Variants in SELENOO observed in about 807,000 individuals in gnomAD.
The protein encoded by SELENOO is selenoprotein O, also known as protein adenylyltransferase SelO, mitochondrial.
In SELENOO, 74 loss-of-function variants were observed where a neutral mutation model predicts 58.7. The ratio of observed to expected loss-of-function variants is 1.26; its 90% CI spans 1.04 to 1.53. The LOEUF (loss-of-function observed/expected upper bound fraction) is 1.53, where lower values mean the gene tolerates loss of function less well. SELENOO is among the 40% of genes most tolerant of loss of function. The probability of loss-of-function intolerance (pLI) is 0.00; values close to 1 mark genes in which losing one functional copy is unlikely to be tolerated. For missense variants in SELENOO, 1,149 were observed against 970.0 expected (o/e 1.18, Z -2.45); for synonymous variants, 543 against 453.2 (o/e 1.20, Z -2.52).
chr22:50,213,284 C>G (rs929334826), intron 5 of SELENOO, among the ~76,000 whole-genome samples: 1 of 152,172 alleles, frequency 6.6e-6, no homozygotes, highest in Non-Finnish European at 1.5e-5. Flanking sequence ...TGGTCTCCAA[C>G]ACCTGATCGC....
At chr22:50,202,217 A>AGAACAATACCCAC (rs2147156194) in intron 1 of SELENOO, among the ~76,000 whole-genome samples, 2 of 151,952 alleles carry the variant, frequency 1.3e-5, no homozygotes, top group South Asian at 4.1e-4. Context: ...AATGACTAGG[A>AGAACAATACCCAC]AAGTGTACAT....
At chr22:50,210,517 C>T in intron 4 of SELENOO, 114 bp from the exon 5 acceptor site, 3 of 1,508,448 alleles carry the variant, frequency 2.0e-6, no homozygotes, top group Non-Finnish European at 1.8e-6. Context: ...GGGACAGGGC[C>T]AGAGAGCCAC....
chr22:50,210,585 G>T, intron 4 of SELENOO, 46 bp from the exon 5 acceptor site: 1 of 1,611,672 alleles, frequency 6.2e-7, no homozygotes, highest in South Asian at 1.1e-5. Context: ...CATCTCCCGG[G>T]AACTTCCTCT....
At chr22:50,204,687 T>G (rs2064321886) in intron 1 of SELENOO, among the ~76,000 whole-genome samples, 2 of 151,978 alleles carry the variant, frequency 1.3e-5, no homozygotes, top group African/African-American at 2.4e-5. Context: ...CCTTCTGCAC[T>G]GTTGGTGGGA....
At position 50,201,447 on chromosome 22, in the gene SELENOO, G is replaced by A; in HGVS notation, c.411G>A (p.Ala137=). 2 of 1,396,294 alleles carry A rather than the reference G, an allele frequency of 1.4e-6. No homozygotes were observed. The highest frequency in any genetic ancestry group is 1.9e-6 in the Non-Finnish European group (2 of 1,069,960). The allele number at this position is 1,396,294 out of a possible 1,614,324, so 86.5% of individuals were successfully genotyped here. Residue 137 remains alanine, a synonymous_variant, in exon 1 of 9, where the codon GCG becomes GCA. Transcript: ENST00000380903. ...NALLPGAEPA[A]HCYCGHQFGQ... is the part of the protein sequence containing the mutation. ...TCCTGCCGGGCGCCGAGCCCGCCGC[G>A]CACTGCTACTGCGGCCACCAATTCG...
chr22:50,206,120 C>G lies in SELENOO; in HGVS notation c.555-197C>G, dbSNP rs1197976069. 3 of 601,392 alleles carry G rather than the reference C, an allele frequency of 5.0e-6. No homozygotes were observed. In the Admixed American group the frequency reaches 8.7e-5, roughly 18 times the overall value. 37.3% of individuals were successfully genotyped at this position (601,392 alleles called of 1,614,324 possible). A position where few individuals can be genotyped will look rare whatever the true frequency, so the allele number is the denominator to read the frequency against. On this transcript the variant is annotated intron_variant, in intron 1 of 8. Transcript: ENST00000380903. Reference sequence around the variant, plus strand: ...TACCAGAGGCTGTGCCGACAACCTGCTGGGCTGTGAGGTTGCTGGAACTGG... The same window carrying G: ...TACCAGAGGCTGTGCCGACAACCTGGTGGGCTGTGAGGTTGCTGGAACTGG...
intron 6 of SELENOO, 82 bp downstream of exon 6, chr22:50,215,949 G>C (rs750225041): frequency 7.0e-4 from 926 of 1,318,890 alleles, no homozygotes; most frequent in Non-Finnish European, 9.1e-4. Flanking sequence ...GGAGAAGCTA[G>C]AGACAGAGCT....
intron 1 of SELENOO, among the ~76,000 whole-genome samples, chr22:50,205,287 A>C (rs531437662): frequency 6.6e-4 from 101 of 152,334 alleles, no homozygotes; most frequent in Admixed American, 4.3e-3. Context: ...CTGTACACTT[A>C]TAAATGGCTA....
chr22:50,204,617 T>C (rs1323978579), intron 1 of SELENOO, among the ~76,000 whole-genome samples: 6 of 60,590 alleles, frequency 9.9e-5, no homozygotes, highest in Non-Finnish European at 1.7e-4. Context: ...TGAGACCCTG[T>C]CTCAAAAAAA....
Position 50,217,458 on chromosome 22 carries a change from C to A in SELENOO, c.*89C>A. Reference sequence around the variant, plus strand: ...AGATGATGCCAGGCTGCCCTATACACTGGGGGATTCTGCCCTGGCCCATGC... The same window carrying A: ...AGATGATGCCAGGCTGCCCTATACAATGGGGGATTCTGCCCTGGCCCATGC... On this transcript the variant is annotated 3_prime_UTR_variant, in exon 9 of 9. Transcript: ENST00000380903. 1 of 1,457,720 alleles carries A rather than the reference C, an allele frequency of 6.9e-7. No individual in the cohort carries two copies. Among genetic ancestry groups the A allele is most frequent in the Non-Finnish European group, 9.3e-7 (1 of 1,073,466 alleles). 90.3% of individuals were successfully genotyped at this position (1,457,720 alleles called of 1,614,324 possible).
In SELENOO at chr22:50,201,728, G is replaced by A. The variant is rs534220385; in HGVS notation, c.554+138G>A. The A allele has an allele frequency of 2.9e-3, 1,616 of 561,904 alleles. 2 individuals carry two copies. The highest frequency in any genetic ancestry group is 3.5e-3 in the Non-Finnish European group (1,339 of 382,884). 34.8% of individuals were successfully genotyped at this position (561,904 alleles called of 1,614,324 possible). A position where few individuals can be genotyped will look rare whatever the true frequency, so the allele number is the denominator to read the frequency against. On this transcript the variant is annotated intron_variant, in intron 1 of 8. Coordinates refer to ENST00000380903, the MANE Select transcript of SELENOO (RefSeq NM_031454.2). ...CCTGCACCCGCGGGAGCGCGGTGCT[G>A]GCAGCCGCCCGCGCCCTGTGCTTAT...
rs753461905 is a variant in SELENOO at position 50,215,811 on chromosome 22, G to C, written c.1446G>C (p.Glu482Asp). The change falls in exon 6 of 9, where the codon GAG becomes GAC. Residue 482 changes from glutamate (E) to aspartate (D), a missense_variant. By Grantham distance (45) the Glu-to-Asp change is conservative. Transcript: ENST00000380903. Reference sequence around the variant, plus strand: ...CGGAATTCCTGGCCAGGCTGATGGAGCAGTGTGCCTCCCTGGAGGAGCTGA... The same window carrying C: ...CGGAATTCCTGGCCAGGCTGATGGACCAGTGTGCCTCCCTGGAGGAGCTGA... ...GLAEFLARLM[E>D]QCASLEELRL... 1 of 1,612,776 alleles carries C rather than the reference G, an allele frequency of 6.2e-7. No individual in the cohort carries two copies. Among genetic ancestry groups the C allele is most frequent in the Admixed American group, 1.7e-5 (1 of 59,996 alleles).
At chr22:50,207,699 C>T (rs1410792322) in intron 2 of SELENOO, among the ~76,000 whole-genome samples, 5 of 147,532 alleles carry the variant, frequency 3.4e-5, no homozygotes, top group East Asian at 4.1e-4. Flanking sequence ...GCCCTGGGCC[C>T]GCTGGTTGCC....
Position 50,201,062 on chromosome 22 carries a change from G to GGGCTTCGCTCGC in SELENOO, c.31_42dup (p.Ser11_Ala14dup), listed in dbSNP as rs1225544347. ...ATGGCCGTATACAGGGCAGCGCTCG[G>GGGCTTCGCTCGC]GGCTTCGCTCGCGGCTGCCCGACTC... On this transcript the variant is annotated inframe_insertion, in exon 1 of 9. Coordinates refer to ENST00000380903, the MANE Select transcript of SELENOO (RefSeq NM_031454.2). 6 of 1,357,396 alleles carry GGGCTTCGCTCGC rather than the reference G, an allele frequency of 4.4e-6. No individual in the cohort carries two copies. The highest frequency in any genetic ancestry group is 3.1e-5 in the African/African-American group (2 of 65,304). The allele number at this position is 1,357,396 out of a possible 1,614,324, so 84.1% of individuals were successfully genotyped here. A position where few individuals can be genotyped will look rare whatever the true frequency, so the allele number is the denominator to read the frequency against.
At chr22:50,210,983 G>T in intron 5 of SELENOO, 72 bp downstream of exon 5, 1 of 1,546,984 alleles carries the variant, frequency 6.5e-7, no homozygotes, top group Non-Finnish European at 8.9e-7. Context: ...TTACCTTCTG[G>T]CTTCCAGGTT....
intron 4 of SELENOO, 21 bp downstream of exon 4, chr22:50,210,332 G>A (rs911181621): frequency 1.2e-6 from 2 of 1,610,978 alleles, no homozygotes; most frequent in South Asian, 2.2e-5. Flanking sequence ...CTGGGGCCCA[G>A]CAAAGTGCAG....
At chr22:50,205,279 G>T (rs1200629097) in intron 1 of SELENOO, among the ~76,000 whole-genome samples, 3 of 152,206 alleles carry the variant, frequency 2.0e-5, no homozygotes, top group Admixed American at 2.0e-4. Flanking sequence ...GCACTGATCT[G>T]TACACTTATA....
chr22:50,213,431 A>G (rs1388863305), intron 5 of SELENOO, among the ~76,000 whole-genome samples: 1 of 152,164 alleles, frequency 6.6e-6, no homozygotes, highest in Non-Finnish European at 1.5e-5. Flanking sequence ...GAGGTTTATT[A>G]CAACTTGTTT....
chr22:50,207,707 G>T (rs1169915184), intron 2 of SELENOO, among the ~76,000 whole-genome samples: 1 of 147,608 alleles, frequency 6.8e-6, no homozygotes, highest in Non-Finnish European at 1.5e-5. Flanking sequence ...CCCGCTGGTT[G>T]CCAGTAGTAA....
Sources: allele counts gnomAD v4.1 joint callset (sites outside exome capture counted in the v4.1 genomes callset), GRCh38; gene constraint gnomAD v4.1.1; transcripts MANE v1.5; gene names NCBI Gene and HGNC (gene_info 2026-07-23, HGNC 2026-07-21).